The following WDR62 variants were observed in gnomAD, a reference collection of about 807,000 sequenced individuals.
The protein encoded by WDR62 is WD repeat-containing protein 62.
In WDR62, 112 loss-of-function variants were observed where a neutral mutation model predicts 160.6. That is an observed-to-expected ratio of 0.70 (90% CI 0.60 to 0.82). The LOEUF is 0.82. WDR62 is among the 40% of genes least tolerant of loss of function. WDR62 has a pLI of 0.00. For synonymous variants in WDR62, 792 were observed against 815.1 expected, an observed-to-expected ratio of 0.97 and a Z score of 0.48; for missense variants, 1,819 against 1,983.8, an observed-to-expected ratio of 0.92 and a Z score of 1.58.
chr19:36,073,623 C>T (rs1389750981), intron 9 of WDR62, 92 bp downstream of exon 9: 10 of 1,026,328 alleles, frequency 9.7e-6, no homozygotes, highest in Non-Finnish European at 1.5e-5. Flanking sequence ...TCAGAAGATA[C>T]TCATTGACTC....
Position 36,078,127 on chromosome 19 carries a change from T to C in WDR62, c.1234-3306T>C, listed in dbSNP as rs546625956. Reference sequence around the variant, plus strand: ...ATGGCTGTTGCGAATACCACTGCTATGAACATGTAAGTACAAGTTTTTTTG... The same window carrying C: ...ATGGCTGTTGCGAATACCACTGCTACGAACATGTAAGTACAAGTTTTTTTG... On this transcript the variant is annotated intron_variant, in intron 9 of 31. Coordinates refer to ENST00000401500, the MANE Select transcript of WDR62 (RefSeq NM_001083961.2). 2.0e-5 allele frequency among the ~76,000 whole-genome samples: 3 copies of C among 152,052 alleles called. No homozygotes were observed. The East Asian group carries it at 5.8e-4, about 30-fold the overall frequency.
chr19:36,103,146 G>A lies in WDR62; in HGVS notation c.3463-10G>A, dbSNP rs948916864. On this transcript the variant is annotated splice_polypyrimidine_tract_variant and intron_variant, in intron 28 of 31. Coordinates refer to ENST00000401500, the MANE Select transcript of WDR62 (RefSeq NM_001083961.2). ...GAGGCCTTGTCCTCACCTCAGAGCT[G>A]TGCCTGCAGGTCCTCGCTGCAGGGA... 2.5e-6 allele frequency: 4 copies of A among 1,613,962 alleles called. No homozygotes were observed. The highest frequency in any genetic ancestry group is 1.7e-5 in the Admixed American group (1 of 60,014).
rs1568366978 is a variant in WDR62, at chr19:36,100,829, ATCC to A, written c.2824_2826del (p.Leu942del). On this transcript the variant is annotated inframe_deletion, in exon 23 of 32. Coordinates refer to ENST00000401500, the MANE Select transcript of WDR62 (RefSeq NM_001083961.2). ...GGAATCATCTGAGGCCAGTGAGCTC[ATCC>A]TCTACTCTCTGGAGGCAGAAGTGAC... is the stretch of plus-strand genomic sequence containing the variant. 6.2e-7 allele frequency: 1 copy of A among 1,614,140 alleles called. No homozygotes were observed. Among genetic ancestry groups the A allele is most frequent in the Non-Finnish European group, 8.5e-7 (1 of 1,180,060 alleles).
At chr19:36,092,636 G>A in intron 18 of WDR62, 53 bp from the exon 19 acceptor site, 1 of 1,611,850 alleles carries the variant, frequency 6.2e-7, no homozygotes, top group Non-Finnish European at 8.5e-7. Context: ...CACGGCAGCG[G>A]CTCCCATGCT....
chr19:36,081,365 G>C, intron 9 of WDR62, 68 bp from the exon 10 acceptor site: 1 of 1,456,916 alleles, frequency 6.9e-7, no homozygotes, highest in Admixed American at 1.8e-5. Flanking sequence ...TTTTTTCCAT[G>C]AAAATGCAAC....
chr19:36,067,154 A>C, intron 5 of WDR62, 152 bp from the exon 6 acceptor site: 1 of 946,816 alleles, frequency 1.1e-6, no homozygotes. Context: ...AGGGTGCCCC[A>C]CATAGGTTTC....
chr19:36,096,899 AC>A, intron 20 of WDR62, 127 bp from the exon 21 acceptor site: 1 of 819,134 alleles, frequency 1.2e-6, no homozygotes, highest in African/African-American at 1.7e-5. Flanking sequence ...CATTTCCCTA[AC>A]CCCCGGTGCT....
chr19:36,063,575 C>T (rs1268258416), intron 3 of WDR62, among the ~76,000 whole-genome samples: 2 of 152,270 alleles, frequency 1.3e-5, no homozygotes, highest in Non-Finnish European at 1.5e-5. Flanking sequence ...GGATTGTAGA[C>T]GAGGTATTTT....
At chr19:36,102,214 G>C in intron 26 of WDR62, 63 bp downstream of exon 26, 1 of 1,611,942 alleles carries the variant, frequency 6.2e-7, no homozygotes, top group Non-Finnish European at 8.5e-7. Flanking sequence ...CAGCATTGGC[G>C]TCCCTGGAGT....
intron 18 of WDR62, among the ~76,000 whole-genome samples, chr19:36,092,050 C>G (rs1371094311): frequency 6.6e-6 from 1 of 152,108 alleles, no homozygotes; most frequent in Non-Finnish European, 1.5e-5. Flanking sequence ...GTGGCTCACG[C>G]CTGTGATCCC....
rs748567793 is a variant in WDR62, at chr19:36,092,732, A to C, written c.2254A>C (p.Met752Leu). The stretch of plus-strand genomic sequence containing the variant: ...CCTGGGCCCGGAGATCACCAACTGC[A>C]TGAAGCAGCACTTGCTGGAGATTGA... The part of the protein sequence containing the change: ...WHLGPEITNC[M>L]KQHLLEIDHR... The change falls in exon 19 of 32, where the codon ATG (methionine) becomes CTG (leucine). Residue 752 changes from methionine (M) to leucine (L), a missense_variant. This residue lies in a region of WDR62 where 934 missense variants were observed against 1,157.2 expected (regional missense o/e 0.81). Transcript: ENST00000401500. 1 of 1,614,076 alleles carries C rather than the reference A, an allele frequency of 6.2e-7. No individual in the cohort carries two copies. The highest frequency in any genetic ancestry group is 8.5e-7 in the Non-Finnish European group (1 of 1,180,030).
At chr19:36,060,125 C>G (rs1311184881) in intron 3 of WDR62, 95 bp downstream of exon 3, 2 of 1,254,614 alleles carry the variant, frequency 1.6e-6, no homozygotes, top group African/African-American at 2.9e-5. Flanking sequence ...TGGGTAGGTG[C>G]TCACTCATTC....
intron 26 of WDR62, 103 bp from the exon 27 acceptor site, chr19:36,102,634 C>T (rs111811967): frequency 1.2e-5 from 11 of 946,946 alleles, no homozygotes; most frequent in Non-Finnish European, 1.8e-5. Flanking sequence ...TGTGTCTGTA[C>T]ATAAGGGTTT....
chr19:36,066,048 G>T, intron 4 of WDR62, 33 bp downstream of exon 4: 2 of 1,612,104 alleles, frequency 1.2e-6, no homozygotes, highest in Non-Finnish European at 1.7e-6. Context: ...TGGGAGTCGG[G>T]GGCTGGGGGG....
chr19:36,108,054 G>A (rs1422163457), downstream of WDR62, among the ~76,000 whole-genome samples: 1 of 152,034 alleles, frequency 6.6e-6, no homozygotes, highest in Non-Finnish European at 1.5e-5. Context: ...CCACCCCCAG[G>A]CCACAAGGCA....
At chr19:36,097,643 G>A (rs1234391283) in intron 21 of WDR62, among the ~76,000 whole-genome samples, 2 of 152,160 alleles carry the variant, frequency 1.3e-5, no homozygotes, top group African/African-American at 2.4e-5. Flanking sequence ...CAGCACTTTG[G>A]GAGGCCAAGG....
chr19:36,069,985 G>A (rs12462432), intron 7 of WDR62, among the ~76,000 whole-genome samples: 43,064 of 150,618 alleles, frequency 0.29, 6,405 homozygotes, highest in Non-Finnish European at 0.33. Flanking sequence ...GAGGGAGACC[G>A]TGGAAAGAGA....
chr19:36,084,614 T>C, intron 11 of WDR62, 39 bp from the exon 12 acceptor site: 1 of 1,598,244 alleles, frequency 6.3e-7, no homozygotes, highest in Non-Finnish European at 8.6e-7. Flanking sequence ...CACATGGGGC[T>C]GGGGTGTGGG....
At chr19:36,060,340 TAGG>T (rs1177060514) in intron 3 of WDR62, 1 of 415,592 alleles carries the variant, frequency 2.4e-6, no homozygotes, top group Admixed American at 3.5e-5. Flanking sequence ...GGGCAGAGAA[TAGG>T]AGGAAAGCCT....
Sources: gnomAD v4.1 joint callset for allele counts (sites outside exome capture counted in the v4.1 genomes callset) on GRCh38, gnomAD v4.1.1 for gene constraint, gnomAD v4.1.1 regional missense constraint, MANE v1.5 for transcripts, NCBI Gene and HGNC (gene_info 2026-07-23, HGNC 2026-07-21) for gene names.